PPP2R5C: variants seen among roughly 807,000 people sequenced by gnomAD.
PPP2R5C encodes serine/threonine-protein phosphatase 2A 56 kDa regulatory subunit gamma isoform.
In PPP2R5C, 7 loss-of-function variants were observed where a neutral mutation model predicts 68.9. That is an observed-to-expected ratio of 0.10 (90% CI 0.06 to 0.19). The LOEUF is 0.19. PPP2R5C is among the 10% of genes least tolerant of loss of function. The pLI is 1.00. For synonymous variants in PPP2R5C, 210 were observed against 222.2 expected (o/e 0.95, Z 0.49); for missense variants, 348 against 641.3 (o/e 0.54, Z 4.94).
At position 101,829,853 on chromosome 14, in the gene PPP2R5C, T is replaced by C. The variant is rs529039122; in HGVS notation, c.94+19817T>C. ...AAGGTGCTGCTTAGTCTCACTTTGG[T>C]TGTTGTGTCGCTGTCGTATTTTTCT... On this transcript the variant is annotated intron_variant, in intron 1 of 13. Coordinates refer to ENST00000334743, the Ensembl canonical transcript of PPP2R5C. 5.9e-5 allele frequency among the ~76,000 whole-genome samples: 9 copies of C among 152,292 alleles called. No homozygotes were observed. The South Asian group carries it at 1.5e-3, about 25-fold the overall frequency.
chr14:101,844,273 G>A (rs1420914413), intron 1 of PPP2R5C, among the ~76,000 whole-genome samples: 1 of 151,950 alleles, frequency 6.6e-6, no homozygotes, highest in Admixed American at 6.6e-5. Flanking sequence ...AGTTCGAGGA[G>A]GCTGGCAGCT....
At chr14:101,783,481 T>C (rs541376124) in intron 2 of PPP2R5C, among the ~76,000 whole-genome samples, 1 of 151,862 alleles carries the variant, frequency 6.6e-6, no homozygotes, top group East Asian at 2.0e-4. Flanking sequence ...GTGGCTGGGC[T>C]GGGCAGAGCA....
chr14:101,912,728 T>G, intron 12 of PPP2R5C: 2 of 648,646 alleles, frequency 3.1e-6, no homozygotes, highest in Non-Finnish European at 4.2e-6. Context: ...ATGCATATAC[T>G]GTGGTAAAAA....
chr14:101,816,981 T>C (rs996613705), intron 1 of PPP2R5C, among the ~76,000 whole-genome samples: 1 of 145,674 alleles, frequency 6.9e-6, no homozygotes, highest in African/African-American at 2.5e-5. Flanking sequence ...TTTTTTGAGA[T>C]GGAGTCTTGC....
At chr14:101,827,912 G>A (rs2040494048) in intron 1 of PPP2R5C, among the ~76,000 whole-genome samples, 1 of 151,926 alleles carries the variant, frequency 6.6e-6, no homozygotes, top group South Asian at 2.1e-4. Context: ...CATATTGGAA[G>A]TGAGATACTG....
rs1352280619 is a variant in PPP2R5C at position 101,802,153 on chromosome 14, G to A, written c.259+15970G>A. 3.3e-5 allele frequency among the ~76,000 whole-genome samples: 5 copies of A among 152,282 alleles called. No homozygotes were observed. In the East Asian group the frequency reaches 5.8e-4, roughly 18 times the overall value. On this transcript the variant is annotated intron_variant, in intron 3 of 14. Coordinates refer to the PPP2R5C transcript ENST00000328724. The stretch of plus-strand genomic sequence containing the variant: ...GACCTGGCCGGGCGCGGTGGCTCAC[G>A]CCTGGAATCCCAGCACTTTGGGAGG...
chr14:101,778,777 G>A (rs895148610), intron 2 of PPP2R5C, among the ~76,000 whole-genome samples: 1 of 152,202 alleles, frequency 6.6e-6, no homozygotes, highest in Non-Finnish European at 1.5e-5. Context: ...ATCCAAGGCT[G>A]GGTGCGGTGG....
At chr14:101,812,713 T>C (rs996004621) in intron 1 of PPP2R5C, among the ~76,000 whole-genome samples, 1 of 152,190 alleles carries the variant, frequency 6.6e-6, no homozygotes, top group Non-Finnish European at 1.5e-5. Flanking sequence ...ATTAATCATT[T>C]TACAAATATT....
At chr14:101,925,178 G>T (rs3134675) in exon 14 of PPP2R5C, 6 of 1,613,942 alleles carry the variant, frequency 3.7e-6, no homozygotes, top group African/African-American at 1.3e-5. Context: ...CCTCTTGCAC[G>T]CCGCAAGTCC....
At chr14:101,804,225 T>C (rs1223020788) in intron 3 of PPP2R5C, among the ~76,000 whole-genome samples, 11 of 152,194 alleles carry the variant, frequency 7.2e-5, no homozygotes, top group Non-Finnish European at 1.5e-4. Flanking sequence ...CAATAACTAA[T>C]GCTGGAGAGG....
At chr14:101,871,866 GAATAT>G (rs762732500) in intron 2 of PPP2R5C, among the ~76,000 whole-genome samples, 1 of 151,900 alleles carries the variant, frequency 6.6e-6, no homozygotes, top group Non-Finnish European at 1.5e-5. Flanking sequence ...ATTTCATATA[GAATAT>G]AAGACATTTA....
At chr14:101,776,882 T>G (rs926522321) in intron 2 of PPP2R5C, among the ~76,000 whole-genome samples, 3 of 129,610 alleles carry the variant, frequency 2.3e-5, no homozygotes, top group Admixed American at 7.4e-5. Context: ...CCTCATTCCC[T>G]TTTTTTTTTT....
rs920752118 is a variant in PPP2R5C, at chr14:101,830,225, G to A, written c.94+20189G>A. Among the ~76,000 whole-genome samples, 3 of 152,212 alleles carry A rather than the reference G, an allele frequency of 2.0e-5. No individual in the cohort carries two copies. The South Asian group carries it at 6.2e-4, about 32-fold the overall frequency. Reference sequence around the variant, plus strand: ...TGAGAATTTCCAAGTTCATTAATTCGGGTTCCTGTTACCAACTCATGTTTT... The same window carrying A: ...TGAGAATTTCCAAGTTCATTAATTCAGGTTCCTGTTACCAACTCATGTTTT... On this transcript the variant is annotated intron_variant, in intron 1 of 13. Coordinates refer to ENST00000334743, the Ensembl canonical transcript of PPP2R5C.
At chr14:101,841,055 T>C (rs1223251893) in intron 1 of PPP2R5C, among the ~76,000 whole-genome samples, 1 of 152,140 alleles carries the variant, frequency 6.6e-6, no homozygotes, top group East Asian at 1.9e-4. Flanking sequence ...TTTCAGGGAT[T>C]TTTCTAAGCA....
chr14:101,774,399 G>A (rs2037310285), intron 2 of PPP2R5C, among the ~76,000 whole-genome samples: 1 of 152,284 alleles, frequency 6.6e-6, no homozygotes, highest in South Asian at 2.1e-4. Context: ...CCAATGTTCT[G>A]CAGAGAAGGT....
At chr14:101,822,146 A>C (rs2040124274) in intron 1 of PPP2R5C, among the ~76,000 whole-genome samples, 1 of 134,528 alleles carries the variant, frequency 7.4e-6, no homozygotes, top group Non-Finnish European at 1.5e-5. Context: ...ATCTGGCGCT[A>C]TCAGAGCCAG....
At chr14:101,811,983 A>C (rs1220495468) in intron 1 of PPP2R5C, among the ~76,000 whole-genome samples, 4 of 152,140 alleles carry the variant, frequency 2.6e-5, no homozygotes, top group Non-Finnish European at 5.9e-5. Context: ...ATTAGCCTGA[A>C]AGAGACTTGA....
exon 2 of PPP2R5C, chr14:101,856,820 G>T: frequency 6.2e-7 from 1 of 1,614,142 alleles, no homozygotes; most frequent in Non-Finnish European, 8.5e-7. Flanking sequence ...AAGTGAAATG[G>T]TAGAATATAT....
chr14:101,904,737 G>A (rs997472320), intron 9 of PPP2R5C, among the ~76,000 whole-genome samples: 2 of 152,198 alleles, frequency 1.3e-5, no homozygotes, highest in Non-Finnish European at 2.9e-5. Context: ...GTAGGCTTCT[G>A]GCAGGAGAAG....
Sources: gnomAD v4.1 joint callset for allele counts (sites outside exome capture counted in the v4.1 genomes callset) on GRCh38, gnomAD v4.1.1 for gene constraint, MANE v1.5 for transcripts, NCBI Gene and HGNC (gene_info 2026-07-23, HGNC 2026-07-21) for gene names.